The following EYS variants were observed in gnomAD, a reference collection of about 807,000 sequenced individuals.
EYS encodes EGF-like photoreceptor maintenance factor, also known as protein eyes shut homolog.
Under a neutral mutation model 282.1 loss-of-function variants are expected in EYS, and 250 were observed. The ratio of observed to expected loss-of-function variants is 0.89; its 90% CI spans 0.80 to 0.98. The LOEUF (loss-of-function observed/expected upper bound fraction) is 0.98. EYS is among the 50% of genes least tolerant of loss of function. The pLI is 0.00. For missense variants in EYS, 4,016 were observed against 3,709.0 expected, an observed-to-expected ratio of 1.08 and a Z score of -2.15; for synonymous variants, 1,355 against 1,282.9, an observed-to-expected ratio of 1.06 and a Z score of -1.20.
chr6:65,391,971 A>T (rs1194364954), intron 7 of EYS, among the ~76,000 whole-genome samples: 1 of 151,814 alleles, frequency 6.6e-6, no homozygotes, highest in Non-Finnish European at 1.5e-5. Context: ...ACCAAAACAG[A>T]GATATAGATC....
chr6:64,886,572 T>A, intron 19 of EYS, 125 bp downstream of exon 19: 1 of 590,150 alleles, frequency 1.7e-6, no homozygotes, highest in Non-Finnish European at 2.7e-6. Flanking sequence ...AGACAAATTA[T>A]CTCTTGACAT....
intron 26 of EYS, among the ~76,000 whole-genome samples, chr6:64,452,595 C>T (rs1173115647): frequency 6.6e-6 from 1 of 152,252 alleles, no homozygotes; most frequent in South Asian, 2.1e-4. Context: ...ATCACACTAC[C>T]TGACTTCAAA....
intron 26 of EYS, among the ~76,000 whole-genome samples, chr6:64,574,297 G>C (rs755756566): frequency 2.6e-5 from 4 of 152,064 alleles, no homozygotes; most frequent in Non-Finnish European, 4.4e-5. Flanking sequence ...CAAGGGGAGG[G>C]ATATCATTAG....
chr6:65,069,503 G>A (rs1029782655), intron 12 of EYS, among the ~76,000 whole-genome samples: 6 of 151,728 alleles, frequency 4.0e-5, no homozygotes, highest in African/African-American at 1.2e-4. Flanking sequence ...ACATAATCTC[G>A]AGATGACATT....
At chr6:64,922,366 AG>A (rs1768373663) in intron 15 of EYS, among the ~76,000 whole-genome samples, 2 of 152,244 alleles carry the variant, frequency 1.3e-5, no homozygotes, top group Admixed American at 1.3e-4. Context: ...AAACTTAGAA[AG>A]GAATTAGTGC....
intron 12 of EYS, among the ~76,000 whole-genome samples, chr6:65,261,763 CTG>C (rs1308571814): frequency 6.6e-6 from 1 of 151,956 alleles, no homozygotes; most frequent in Non-Finnish European, 1.5e-5. Context: ...AAAATTTTAA[CTG>C]TATTTTTTCT....
chr6:64,935,657 G>A (rs1768883284), intron 15 of EYS, among the ~76,000 whole-genome samples: 1 of 151,398 alleles, frequency 6.6e-6, no homozygotes, highest in African/African-American at 2.4e-5. Context: ...AAACAAAAAA[G>A]GATTCAAAGA....
At chr6:65,525,925 C>A (rs137999985) in intron 2 of EYS, among the ~76,000 whole-genome samples, 1 of 152,304 alleles carries the variant, frequency 6.6e-6, no homozygotes, top group African/African-American at 2.4e-5. Context: ...ACATACATGG[C>A]AGTGAGTCTG....
At position 65,375,696 on chromosome 6, in the gene EYS, A is replaced by G. The variant is rs939455513; in HGVS notation, c.1299+8690T>C. On this transcript the variant is annotated intron_variant, in intron 8 of 42. Coordinates refer to ENST00000503581, the MANE Select transcript of EYS (RefSeq NM_001142800.2). Reference sequence around the variant, plus strand: ...GAGAAGAACATAAATGACCGGATGGAGCTGAAAAACACAGCATGAGAACTT... The same window carrying G: ...GAGAAGAACATAAATGACCGGATGGGGCTGAAAAACACAGCATGAGAACTT... Among the ~76,000 whole-genome samples the G allele has an allele frequency of 5.9e-5, 9 of 152,216 alleles. 1 individual carries two copies. The highest frequency in any genetic ancestry group is 5.9e-4 in the Admixed American group (9 of 15,278).
rs1248507329 is a variant in EYS at position 63,721,156 on chromosome 6, A to G, written c.8875T>C (p.Phe2959Leu). The change falls in exon 43 of 43, where the codon TTT becomes CTT. Residue 2959 changes from phenylalanine to leucine, a missense_variant. Coordinates refer to ENST00000503581, the MANE Select transcript of EYS (RefSeq NM_001142800.2). ...ENKTSFSTAK[F>L]MGNSYIKYID... The stretch of plus-strand genomic sequence containing the variant: ...TATTTAATGTAAGAATTACCCATAA[A>G]TTTTGCAGTTGAAAATGAAGTTTTG... 1.9e-6 allele frequency: 3 copies of G among 1,551,468 alleles called. No homozygotes were observed. The highest frequency in any genetic ancestry group is 3.9e-5 in the Admixed American group (2 of 50,960).
intron 29 of EYS, among the ~76,000 whole-genome samples, chr6:64,356,055 G>A (rs1771814176): frequency 6.6e-6 from 1 of 151,292 alleles, no homozygotes; most frequent in Non-Finnish European, 1.5e-5. Flanking sequence ...TTGAGCTCAG[G>A]GCCAACATTA....
chr6:64,895,470 G>A (rs1354504504), intron 18 of EYS, among the ~76,000 whole-genome samples: 1 of 152,044 alleles, frequency 6.6e-6, no homozygotes, highest in East Asian at 1.9e-4. Flanking sequence ...TATTTATATA[G>A]AATAAAGTTG....
At chr6:63,872,020 T>C (rs939397243) in intron 35 of EYS, among the ~76,000 whole-genome samples, 15 of 152,152 alleles carry the variant, frequency 9.9e-5, no homozygotes, top group African/African-American at 3.6e-4. Context: ...TCTTAGCAAG[T>C]TCAGCAGCAC....
intron 37 of EYS, among the ~76,000 whole-genome samples, chr6:63,799,263 C>T (rs1289958884): frequency 1.3e-5 from 2 of 151,924 alleles, no homozygotes; most frequent in East Asian, 3.9e-4. Context: ...ATCCACCCGC[C>T]TTGGCCTCCC....
At chr6:65,020,526 C>T (rs1201710366) in intron 13 of EYS, among the ~76,000 whole-genome samples, 1 of 152,134 alleles carries the variant, frequency 6.6e-6, no homozygotes, top group Non-Finnish European at 1.5e-5. Context: ...GTACGGCTCT[C>T]GATCCTAGCT....
At chr6:64,812,037 G>A (rs747237479) in intron 22 of EYS, among the ~76,000 whole-genome samples, 73 of 151,854 alleles carry the variant, frequency 4.8e-4, no homozygotes, top group African/African-American at 1.6e-3. Flanking sequence ...AGAAATATAC[G>A]TTCAATTTAT....
chr6:65,698,539 C>A (rs774951315), intron 1 of EYS, among the ~76,000 whole-genome samples: 1 of 152,140 alleles, frequency 6.6e-6, no homozygotes, highest in East Asian at 1.9e-4. Context: ...ATGAAGAATG[C>A]ATCTAGAAAT....
intron 26 of EYS, among the ~76,000 whole-genome samples, chr6:64,554,130 A>C (rs1212941822): frequency 1.3e-5 from 2 of 152,134 alleles, no homozygotes; most frequent in South Asian, 2.1e-4. Context: ...AAAGGTGCTT[A>C]GTGCTTTTTT....
intron 2 of EYS, among the ~76,000 whole-genome samples, chr6:65,609,010 T>C (rs1037759005): frequency 1.3e-5 from 2 of 152,064 alleles, no homozygotes; most frequent in African/African-American, 4.8e-5. Context: ...TTTTAATAAG[T>C]AGAAAGAATA....
Sources: allele counts gnomAD v4.1 joint callset (sites outside exome capture counted in the v4.1 genomes callset), GRCh38; gene constraint gnomAD v4.1.1; transcripts MANE v1.5; gene names NCBI Gene and HGNC (gene_info 2026-07-23, HGNC 2026-07-21).